The following PRKCB variants were observed in gnomAD, a reference collection of about 807,000 sequenced individuals.
The protein encoded by PRKCB is protein kinase C beta, also known as protein kinase C beta type.
In PRKCB, 13 loss-of-function variants were observed where a neutral mutation model predicts 81.5. That is an observed-to-expected ratio of 0.16 (90% CI 0.10 to 0.25). PRKCB has a LOEUF of 0.25. Ranked by LOEUF, PRKCB falls within the 10% of genes least tolerant of loss-of-function variation. The pLI, the probability that PRKCB is intolerant of heterozygous loss-of-function variation, is 1.00. For missense variants in PRKCB, 509 were observed against 875.7 expected (o/e 0.58, Z 5.29); for synonymous variants, 335 against 321.4 (o/e 1.04, Z -0.45).
chr16:24,088,944 T>A (rs943689184), intron 5 of PRKCB, among the ~76,000 whole-genome samples: 17 of 152,142 alleles, frequency 1.1e-4, no homozygotes, highest in African/African-American at 4.1e-4. Context: ...AGCTGTTTCC[T>A]CTTGCCTCTG....
At chr16:23,990,310 T>C (rs2141823001) in intron 3 of PRKCB, among the ~76,000 whole-genome samples, 1 of 151,790 alleles carries the variant, frequency 6.6e-6, no homozygotes, top group South Asian at 2.1e-4. Context: ...TACAAAAAAT[T>C]AGCCAGGCAT....
intron 5 of PRKCB, among the ~76,000 whole-genome samples, chr16:24,076,879 T>A (rs1240995084): frequency 2.0e-5 from 3 of 152,140 alleles, no homozygotes; most frequent in Non-Finnish European, 4.4e-5. Context: ...GTGTACCCTT[T>A]TATAGATGGT....
chr16:24,029,418 A>G (rs1455600598), intron 3 of PRKCB, among the ~76,000 whole-genome samples: 1 of 152,130 alleles, frequency 6.6e-6, no homozygotes, highest in Non-Finnish European at 1.5e-5. Flanking sequence ...TTTGCTCGGC[A>G]CTTCTCCTTC....
rs1967785561 is a variant in PRKCB, at chr16:24,191,117, C to G, written c.1750C>G (p.Leu584Val). 1 of 1,614,066 alleles carries G rather than the reference C, an allele frequency of 6.2e-7. No homozygotes were observed. The highest frequency in any genetic ancestry group is 8.5e-7 in the Non-Finnish European group (1 of 1,179,994). Residue 584 changes from leucine (L) to valine (V), a missense_variant, in exon 16 of 17, where the codon CTG becomes GTG. Physicochemically the swap from Leu to Val is conservative, Grantham distance 32. Coordinates refer to ENST00000643927, the MANE Select transcript of PRKCB (RefSeq NM_002738.7). ...GATGACCAAACACCCAGGCAAACGT[C>G]TGGGTTGTGGACCTGAAGGCGAACG... ...GLMTKHPGKR[L>V]GCGPEGERDI...
chr16:24,116,088 C>T (rs557274673), intron 8 of PRKCB, among the ~76,000 whole-genome samples: 10 of 152,172 alleles, frequency 6.6e-5, no homozygotes, highest in Non-Finnish European at 1.3e-4. Flanking sequence ...TTGGTTGCCT[C>T]TGTTTGGTTA....
intron 3 of PRKCB, among the ~76,000 whole-genome samples, chr16:24,008,318 C>T (rs1234920032): frequency 6.6e-6 from 1 of 152,224 alleles, no homozygotes; most frequent in Non-Finnish European, 1.5e-5. Flanking sequence ...TCCCTGAGAG[C>T]TGCCTTTCCA....
intron 15 of PRKCB, among the ~76,000 whole-genome samples, chr16:24,187,653 GTTTTT>G (rs1967724241): frequency 1.4e-5 from 2 of 145,578 alleles, no homozygotes; most frequent in Non-Finnish European, 3.0e-5. Context: ...GGCACAAGGT[GTTTTT>G]GTTTTGTTTT....
In PRKCB at chr16:24,216,487, A is replaced by G. The variant is rs1220301653; in HGVS notation, c.*1671A>G. On this transcript the variant is annotated 3_prime_UTR_variant, in exon 17 of 17. Coordinates refer to ENST00000643927, the MANE Select transcript of PRKCB (RefSeq NM_002738.7). ...TCAGGCAGCTCTAAGGAGAATTCTT[A>G]TCACAGTTCAAGTGATTTCCAGAAG... 6 of 985,318 alleles carry G rather than the reference A, an allele frequency of 6.1e-6. No homozygotes were observed. The highest frequency in any genetic ancestry group is 1.1e-4 in the East Asian group (1 of 8,822). 61.0% of individuals were successfully genotyped at this position (985,318 alleles called of 1,614,324 possible). A position where few individuals can be genotyped will look rare whatever the true frequency, so the allele number is the denominator to read the frequency against.
intron 2 of PRKCB, among the ~76,000 whole-genome samples, chr16:23,936,890 C>T (rs1964067745): frequency 6.6e-6 from 1 of 152,112 alleles, no homozygotes; most frequent in African/African-American, 2.4e-5. Flanking sequence ...CTGTAGAGTT[C>T]CCATAAGTGC....
At chr16:23,956,363 C>T (rs1964349451) in intron 2 of PRKCB, among the ~76,000 whole-genome samples, 3 of 152,050 alleles carry the variant, frequency 2.0e-5, no homozygotes, top group Non-Finnish European at 2.9e-5. Context: ...TTATTAATAC[C>T]TTATTTAGAT....
At chr16:23,862,056 A>T (rs1010291167) in intron 2 of PRKCB, among the ~76,000 whole-genome samples, 1 of 151,850 alleles carries the variant, frequency 6.6e-6, no homozygotes, top group Non-Finnish European at 1.5e-5. Context: ...TTCTCTTGAG[A>T]TTGTGTCTTA....
At chr16:23,895,536 A>G (rs1963365098) in intron 2 of PRKCB, among the ~76,000 whole-genome samples, 1 of 152,142 alleles carries the variant, frequency 6.6e-6, no homozygotes, top group South Asian at 2.1e-4. Flanking sequence ...GTGATTTTTC[A>G]ACACCTTTGT....
At chr16:24,146,427 T>A (rs939527489) in intron 9 of PRKCB, among the ~76,000 whole-genome samples, 2 of 152,204 alleles carry the variant, frequency 1.3e-5, no homozygotes, top group Non-Finnish European at 2.9e-5. Flanking sequence ...AGCAAAGTAT[T>A]GTTGGCATCT....
In PRKCB at chr16:24,108,286, T is replaced by C. The variant is rs886294048; in HGVS notation, c.822-4687T>C. Among the ~76,000 whole-genome samples, 408 of 147,170 alleles carry C rather than the reference T, an allele frequency of 2.8e-3. 2 individuals carry two copies. The highest frequency in any genetic ancestry group is 9.6e-3 in the African/African-American group (385 of 40,004). ...GTCCCCAATCTTTTATTTATTTATT[T>C]TTTTTATTATTTTTTTTTAATTGAT... On this transcript the variant is annotated intron_variant, in intron 7 of 16. Transcript: ENST00000643927.
Position 24,214,816 on chromosome 16 carries a change from AGTAGATGT to A in PRKCB, c.*7_*14del. On this transcript the variant is annotated 3_prime_UTR_variant, in exon 17 of 17. Coordinates refer to ENST00000643927, the MANE Select transcript of PRKCB (RefSeq NM_002738.7). ...TTTTAAAACCCGAAGTCAAGAGCTAAGTAGATGTGTAGATCTCCGTCCTTCATTTCTGT... is the reference window on the plus strand; with the variant it reads ...TTTTAAAACCCGAAGTCAAGAGCTAAGTAGATCTCCGTCCTTCATTTCTGT... The A allele has an allele frequency of 6.2e-7, 1 of 1,613,932 alleles. No homozygotes were observed. Among genetic ancestry groups the A allele is most frequent in the Non-Finnish European group, 8.5e-7 (1 of 1,179,888 alleles).
At chr16:24,199,164 G>C (rs961537371) in intron 16 of PRKCB, among the ~76,000 whole-genome samples, 1 of 152,136 alleles carries the variant, frequency 6.6e-6, no homozygotes, top group African/African-American at 2.4e-5. Context: ...TACTACTTGG[G>C]CTATCTGATC....
chr16:24,100,883 G>A (rs1966498065), intron 7 of PRKCB, among the ~76,000 whole-genome samples: 1 of 152,168 alleles, frequency 6.6e-6, no homozygotes. Flanking sequence ...GGGGAATGCT[G>A]ATTGGTGGGT....
At chr16:24,060,914 C>T (rs1219461878) in intron 5 of PRKCB, among the ~76,000 whole-genome samples, 1 of 152,170 alleles carries the variant, frequency 6.6e-6, no homozygotes, top group Non-Finnish European at 1.5e-5. Context: ...CCAGATCAGT[C>T]TTTTTTCAGG....
intron 10 of PRKCB, among the ~76,000 whole-genome samples, chr16:24,166,678 T>C (rs12445541): frequency 0.01 from 1,592 of 152,230 alleles, 9 homozygotes; most frequent in Non-Finnish European, 0.015. Context: ...ATCCTTAACA[T>C]CTGGCACTGT....
Sources: allele counts gnomAD v4.1 joint callset (sites outside exome capture counted in the v4.1 genomes callset), GRCh38; gene constraint gnomAD v4.1.1; transcripts MANE v1.5; gene names NCBI Gene and HGNC (gene_info 2026-07-23, HGNC 2026-07-21).